The following SFI1 variants were observed in gnomAD, a reference collection of about 807,000 sequenced individuals.
The protein encoded by SFI1 is protein SFI1 homolog.
In SFI1, 195 loss-of-function variants were observed where a neutral mutation model predicts 207.5. The observed-to-expected ratio is 0.94, with a 90% CI of 0.84 to 1.06. The LOEUF (loss-of-function observed/expected upper bound fraction) is 1.06, where lower values mean the gene tolerates loss of function less well. Ranked by LOEUF, SFI1 falls within the 50% of genes least tolerant of loss-of-function variation. The pLI, the probability that SFI1 is intolerant of heterozygous loss-of-function variation, is 0.00. For synonymous variants in SFI1, 630 were observed against 598.9 expected (o/e 1.05, Z -0.76); for missense variants, 1,634 against 1,588.0 (o/e 1.03, Z -0.49).
At chr22:31,528,958 AT>A in intron 3 of SFI1, 95 bp downstream of exon 3, 4 of 1,245,744 alleles carry the variant, frequency 3.2e-6, no homozygotes, top group Non-Finnish European at 4.5e-6. Flanking sequence ...TTCCACCGCA[AT>A]TAGTGGGAGA....
At position 31,543,055 on chromosome 22, in the gene SFI1, C is replaced by G. The variant is rs1265408086; in HGVS notation, c.339-3806C>G. 2.6e-5 allele frequency among the ~76,000 whole-genome samples: 4 copies of G among 151,098 alleles called. No homozygotes were observed. The South Asian group carries it at 8.4e-4, about 32-fold the overall frequency. ...GGCGCATCTCGGCTCACTGCAAGCT[C>G]CGCCTCCCAGGTTCACGCCATTCTC... On this transcript the variant is annotated intron_variant, in intron 4 of 32. Transcript: ENST00000400288.
At chr22:31,537,005 C>T (rs947432724) in intron 4 of SFI1, among the ~76,000 whole-genome samples, 1 of 151,946 alleles carries the variant, frequency 6.6e-6, no homozygotes, top group East Asian at 1.9e-4. Context: ...CCTGCTCTGC[C>T]TCCCAAAGTG....
intron 8 of SFI1, among the ~76,000 whole-genome samples, chr22:31,562,983 TTATATA>T (rs56072629): frequency 7.7e-5 from 11 of 142,396 alleles, no homozygotes; most frequent in African/African-American, 2.6e-4. Context: ...TCATCATCTT[TTATATA>T]TATATATATA....
At chr22:31,526,889 G>A (rs1569218312) in intron 2 of SFI1, among the ~76,000 whole-genome samples, 1 of 151,154 alleles carries the variant, frequency 6.6e-6, no homozygotes. Context: ...GAACTATCAG[G>A]GAATTTTATT....
At position 31,507,139 on chromosome 22, in the gene SFI1, T is replaced by C. The variant is rs1798160730; in HGVS notation, c.-30-1116T>C. ...GGTTACAGTAACAAAAACAGAATGG[T>C]ACTGGCACAAAAACAGAAACATAGA... On this transcript the variant is annotated intron_variant, in intron 1 of 32. Coordinates refer to ENST00000400288, the MANE Select transcript of SFI1 (RefSeq NM_001007467.3). 2.0e-5 allele frequency among the ~76,000 whole-genome samples: 3 copies of C among 152,154 alleles called. No homozygotes were observed. In the South Asian group the frequency reaches 6.2e-4, roughly 32 times the overall value.
chr22:31,581,169 G>A (rs2064126177), intron 12 of SFI1, among the ~76,000 whole-genome samples: 1 of 151,738 alleles, frequency 6.6e-6, no homozygotes, highest in Non-Finnish European at 1.5e-5. Flanking sequence ...TTTGTAGATG[G>A]GGTCCTACTA....
intron 4 of SFI1, chr22:31,538,455 T>G (rs1569248349): frequency 6.5e-6 from 1 of 152,852 alleles, no homozygotes; most frequent in Non-Finnish European, 1.5e-5. Context: ...CTAACTACTT[T>G]GCTGTGAATG....
chr22:31,500,106 G>A (rs555598544), intron 1 of SFI1, among the ~76,000 whole-genome samples: 1 of 151,172 alleles, frequency 6.6e-6, no homozygotes, highest in East Asian at 2.0e-4. Context: ...ATCACTTGAG[G>A]TCAGTAGTTC....
At chr22:31,593,440 C>T (rs1472941439) in intron 15 of SFI1, among the ~76,000 whole-genome samples, 2 of 140,604 alleles carry the variant, frequency 1.4e-5, no homozygotes, top group African/African-American at 2.7e-5. Context: ...GATGTGATGG[C>T]GGCTGGGAAG....
intron 31 of SFI1, among the ~76,000 whole-genome samples, chr22:31,617,854 G>T (rs973775018): frequency 6.6e-6 from 1 of 152,140 alleles, no homozygotes; most frequent in African/African-American, 2.4e-5. Flanking sequence ...CTCTGCACAG[G>T]GGGAGAGAGA....
At position 31,573,291 on chromosome 22, in the gene SFI1, C is replaced by G. The variant is rs1446261869; in HGVS notation, c.922+77C>G. The G allele has an allele frequency of 5.4e-6, 8 of 1,474,998 alleles. No individual in the cohort carries two copies. The African/African-American group carries it at 1.1e-4, about 21-fold the overall frequency. 91.4% of individuals were successfully genotyped at this position (1,474,998 alleles called of 1,614,324 possible). A position where few individuals can be genotyped will look rare whatever the true frequency, so the allele number is the denominator to read the frequency against. On this transcript the variant is annotated intron_variant, in intron 9 of 32. Coordinates refer to ENST00000400288, the MANE Select transcript of SFI1 (RefSeq NM_001007467.3). ...CTCTCCTGCTGCCAGTGGTACTGTACTAAGAAGTAATATAATGGTGCTACT... is the reference window on the plus strand; with the variant it reads ...CTCTCCTGCTGCCAGTGGTACTGTAGTAAGAAGTAATATAATGGTGCTACT...
intron 8 of SFI1, among the ~76,000 whole-genome samples, chr22:31,566,089 C>T (rs1289664072): frequency 2.6e-5 from 4 of 151,830 alleles, no homozygotes; most frequent in Middle Eastern, 3.4e-3. Context: ...TTTAGAATTA[C>T]GAACAGTACT....
rs561440006 is a variant in SFI1 at position 31,580,311 on chromosome 22, G to C, written c.1195G>C (p.Ala399Pro). 1.9e-6 allele frequency: 3 copies of C among 1,613,896 alleles called. No individual in the cohort carries two copies. The highest frequency in any genetic ancestry group is 2.7e-5 in the African/African-American group (2 of 74,972). The change falls in exon 12 of 33, where the codon GCT (alanine) becomes CCT (proline). Residue 399 changes from alanine to proline, a missense_variant. Ala to Pro is a conservative substitution (Grantham distance 27). Transcript: ENST00000400288. Reference sequence around the variant, plus strand: ...AGCCCTAAAAGACAATGTGACCCACGCTCATCTCCAGCAAATAAGAAGGAA... The same window carrying C: ...AGCCCTAAAAGACAATGTGACCCACCCTCATCTCCAGCAAATAAGAAGGAA... ...FRALKDNVTH[A>P]HLQQIRRNLA...
At chr22:31,525,796 G>C (rs1314903196) in intron 2 of SFI1, among the ~76,000 whole-genome samples, 1 of 152,070 alleles carries the variant, frequency 6.6e-6, no homozygotes, top group African/African-American at 2.4e-5. Context: ...GATACTCTCT[G>C]TTCTGTTCCA....
intron 4 of SFI1, among the ~76,000 whole-genome samples, chr22:31,538,988 G>A (rs1187381334): frequency 1.3e-5 from 2 of 152,070 alleles, no homozygotes; most frequent in Non-Finnish European, 2.9e-5. Context: ...AACTGAAATC[G>A]TCATCCTCCC....
intron 4 of SFI1, among the ~76,000 whole-genome samples, chr22:31,539,235 T>C (rs574621028): frequency 6.6e-6 from 1 of 152,122 alleles, no homozygotes; most frequent in Non-Finnish European, 1.5e-5. Flanking sequence ...CCCTCATTGG[T>C]CTCCTGCTTC....
chr22:31,568,912 A>C (rs1018142682), intron 8 of SFI1, among the ~76,000 whole-genome samples: 2 of 152,156 alleles, frequency 1.3e-5, no homozygotes, highest in African/African-American at 4.8e-5. Context: ...AATACATAAA[A>C]ATTCATGCAT....
intron 7 of SFI1, chr22:31,559,444 T>C (rs965571050): frequency 5.0e-6 from 2 of 398,998 alleles, no homozygotes; most frequent in Non-Finnish European, 9.5e-6. Flanking sequence ...AAAAATGGCT[T>C]CCGCGGGAGG....
intron 2 of SFI1, among the ~76,000 whole-genome samples, chr22:31,516,657 AAAAATT>A (rs1020795419): frequency 2.6e-5 from 4 of 152,046 alleles, no homozygotes; most frequent in Admixed American, 2.0e-4. Flanking sequence ...CATCTCTACT[AAAAATT>A]AAAAAGTCAG....
Sources: allele counts gnomAD v4.1 joint callset (sites outside exome capture counted in the v4.1 genomes callset), GRCh38; gene constraint gnomAD v4.1.1; transcripts MANE v1.5; gene names NCBI Gene and HGNC (gene_info 2026-07-23, HGNC 2026-07-21).